SHTN1: variants seen among roughly 807,000 people sequenced by gnomAD.
The protein encoded by SHTN1 is shootin 1, also known as shootin-1.
In SHTN1, 42 loss-of-function variants were observed where a neutral mutation model predicts 83.1. The ratio of observed to expected loss-of-function variants is 0.51; its 90% CI spans 0.39 to 0.65. SHTN1 has a LOEUF of 0.65. Ranked by LOEUF, SHTN1 falls within the 30% of genes least tolerant of loss-of-function variation. The pLI is 0.00. For synonymous variants in SHTN1, 224 were observed against 247.7 expected, an observed-to-expected ratio of 0.90 and a Z score of 0.90; for missense variants, 622 against 737.8, an observed-to-expected ratio of 0.84 and a Z score of 1.82.
At chr10:117,084,129 TAG>T (rs1303219479) in intron 1 of SHTN1, among the ~76,000 whole-genome samples, 1 of 152,204 alleles carries the variant, frequency 6.6e-6, no homozygotes, top group Non-Finnish European at 1.5e-5. Context: ...CTCTTATTTT[TAG>T]AGTTTCCAGT....
At chr10:116,925,181 G>C (rs1217479123) in intron 11 of SHTN1, among the ~76,000 whole-genome samples, 1 of 152,204 alleles carries the variant, frequency 6.6e-6, no homozygotes, top group African/African-American at 2.4e-5. Flanking sequence ...GTTTCCATGA[G>C]GATGTTGTGG....
intron 11 of SHTN1, among the ~76,000 whole-genome samples, chr10:116,927,170 C>A (rs1848772150): frequency 6.6e-6 from 1 of 152,066 alleles, no homozygotes; most frequent in Non-Finnish European, 1.5e-5. Context: ...AATAATTGAA[C>A]AAACCACAGC....
At chr10:117,057,049 T>C (rs1055710615) in intron 1 of SHTN1, among the ~76,000 whole-genome samples, 4 of 152,054 alleles carry the variant, frequency 2.6e-5, no homozygotes, top group Non-Finnish European at 5.9e-5. Flanking sequence ...GTAAAAGGCA[T>C]ACCAATTGGA....
chr10:116,958,405 T>A (rs552436736), intron 4 of SHTN1, among the ~76,000 whole-genome samples: 2 of 152,328 alleles, frequency 1.3e-5, no homozygotes, highest in African/African-American at 2.4e-5. Context: ...ATGTTCATTT[T>A]AAAAAAGGGT....
At chr10:117,031,810 T>C (rs1262638251) in intron 2 of SHTN1, among the ~76,000 whole-genome samples, 1 of 151,670 alleles carries the variant, frequency 6.6e-6, no homozygotes, top group African/African-American at 2.4e-5. Context: ...CCATCTTCAC[T>C]AAAAGGAAGA....
At chr10:117,089,431 T>C (rs547746309) in intron 1 of SHTN1, among the ~76,000 whole-genome samples, 220 of 152,204 alleles carry the variant, frequency 1.4e-3, no homozygotes, top group Non-Finnish European at 2.3e-3. Flanking sequence ...TTACAACATA[T>C]AAAAAATTAA....
intron 2 of SHTN1, among the ~76,000 whole-genome samples, chr10:117,022,654 C>T (rs1389332233): frequency 1.3e-5 from 2 of 152,202 alleles, no homozygotes; most frequent in African/African-American, 4.8e-5. Flanking sequence ...GGCACAGTGG[C>T]TCATGCCTAT....
chr10:117,104,534 G>T (rs1364329015), intron 1 of SHTN1, among the ~76,000 whole-genome samples: 1 of 152,162 alleles, frequency 6.6e-6, no homozygotes, highest in Admixed American at 6.5e-5. Context: ...ACTTTGGGAG[G>T]CCGAGGCAGG....
In SHTN1 at chr10:117,065,708, A is replaced by C. The variant is rs1051643801; in HGVS notation, c.-188-17198T>G. The stretch of plus-strand genomic sequence containing the variant: ...AGTCTAGCCTGGGCAACAAAGCGAG[A>C]GAGAGAGAGAGAGAGAGATGAAAGA... On this transcript the variant is annotated intron_variant, in intron 1 of 17. Coordinates refer to the SHTN1 transcript ENST00000392901. Among the ~76,000 whole-genome samples the C allele has an allele frequency of 4.5e-5, 4 of 89,360 alleles. No homozygotes were observed. The Admixed American group carries it at 5.9e-4, about 13-fold the overall frequency. The allele number at this position is 89,360 out of a possible 152,430, so 58.6% of individuals were successfully genotyped here. A position where few individuals can be genotyped will look rare whatever the true frequency, so the allele number is the denominator to read the frequency against.
chr10:117,112,299 G>A (rs1236264225), intron 1 of SHTN1, among the ~76,000 whole-genome samples: 1 of 152,088 alleles, frequency 6.6e-6, no homozygotes, highest in Middle Eastern at 3.2e-3. Flanking sequence ...CTGGTCATCA[G>A]AAGCAGGATC....
intron 1 of SHTN1, among the ~76,000 whole-genome samples, chr10:117,119,787 G>C (rs920259353): frequency 6.6e-6 from 1 of 151,582 alleles, no homozygotes; most frequent in Non-Finnish European, 1.5e-5. Context: ...AGCGTCTATC[G>C]ACAGATGAAT....
chr10:117,108,387 A>G (rs1853702464), intron 1 of SHTN1, among the ~76,000 whole-genome samples: 1 of 152,030 alleles, frequency 6.6e-6, no homozygotes, highest in African/African-American at 2.4e-5. Flanking sequence ...ATAAAAAAGG[A>G]TGAGTTCATG....
intron 6 of SHTN1, among the ~76,000 whole-genome samples, chr10:116,950,409 CCT>C (rs1273523709): frequency 6.6e-6 from 1 of 152,188 alleles, no homozygotes; most frequent in African/African-American, 2.4e-5. Flanking sequence ...CTCAAGTGAT[CCT>C]CCTGCCTCGG....
chr10:117,079,884 G>T (rs1407867091), intron 1 of SHTN1, among the ~76,000 whole-genome samples: 10 of 148,064 alleles, frequency 6.8e-5, no homozygotes, highest in Middle Eastern at 7.2e-3. Flanking sequence ...TGATGGGGTT[G>T]TTTGTCTTTT....
At chr10:117,104,761 G>A (rs528520333) in intron 1 of SHTN1, among the ~76,000 whole-genome samples, 7 of 152,198 alleles carry the variant, frequency 4.6e-5, no homozygotes, top group African/African-American at 1.2e-4. Context: ...GCGACAGAGC[G>A]AGACTCCGTC....
chr10:116,994,506 A>G (rs1851558496), intron 1 of SHTN1, among the ~76,000 whole-genome samples: 1 of 152,134 alleles, frequency 6.6e-6, no homozygotes, highest in African/African-American at 2.4e-5. Context: ...AACTGTAGAG[A>G]CAGAGAGAGA....
At position 116,951,926 on chromosome 10, in the gene SHTN1, C is replaced by T. The variant is rs551678925; in HGVS notation, c.517G>A (p.Val173Ile). 3.2e-5 allele frequency: 51 copies of T among 1,587,524 alleles called. No individual in the cohort carries two copies. Among genetic ancestry groups the T allele is most frequent in the African/African-American group, 6.7e-5 (5 of 74,340 alleles). ...ATACATACTTCTTCAATTACTTCTA[C>T]GAGTTTGCTCTTGAGATTTTCCAGC... is the stretch of plus-strand genomic sequence containing the variant. Reference protein sequence around the residue: ...IELENLKSKLVEVIEEVNKVK... With the variant: ...IELENLKSKLIEVIEEVNKVK... Residue 173 changes from valine (V) to isoleucine (I), a missense_variant, in exon 6 of 17, where the codon GTA (valine) becomes ATA (isoleucine). Coordinates refer to ENST00000355371, the MANE Select transcript of SHTN1 (RefSeq NM_001127211.3).
upstream of SHTN1, among the ~76,000 whole-genome samples, chr10:117,008,602 T>C (rs1386723500): frequency 6.6e-6 from 1 of 152,134 alleles, no homozygotes; most frequent in Non-Finnish European, 1.5e-5. Flanking sequence ...AAAGACCAGA[T>C]ATTGTATGAT....
intron 1 of SHTN1, among the ~76,000 whole-genome samples, chr10:116,983,850 T>C (rs1410935701): frequency 6.6e-6 from 1 of 151,848 alleles, no homozygotes; most frequent in Non-Finnish European, 1.5e-5. Context: ...AAAAGGAAGA[T>C]GGTGGAGAAA....
Sources: allele counts gnomAD v4.1 joint callset (sites outside exome capture counted in the v4.1 genomes callset), GRCh38; gene constraint gnomAD v4.1.1; transcripts MANE v1.5; gene names NCBI Gene and HGNC (gene_info 2026-07-23, HGNC 2026-07-21).